The following CCM2L variants were observed in gnomAD, a reference collection of about 807,000 sequenced individuals.
CCM2L encodes the protein CCM2 like scaffold protein, also known as cerebral cavernous malformations 2 protein-like.
A neutral mutation model predicts 54.1 loss-of-function variants in CCM2L; 36 were observed. The observed-to-expected ratio is 0.67, with a 90% CI of 0.51 to 0.88. CCM2L has a LOEUF of 0.88. Ranked by LOEUF, CCM2L falls within the 40% of genes least tolerant of loss-of-function variation. The pLI, the probability that CCM2L is intolerant of heterozygous loss-of-function variation, is 0.00. For synonymous variants in CCM2L, 351 were observed against 359.3 expected, an observed-to-expected ratio of 0.98 and a Z score of 0.26; for missense variants, 700 against 812.1, an observed-to-expected ratio of 0.86 and a Z score of 1.68.
At position 32,029,116 on chromosome 20, in the gene CCM2L, A is replaced by C. The variant is rs771308887; in HGVS notation, c.1255A>C (p.Met419Leu). ...GGGCTTGGAGCAGTTACAGGATTAC[A>C]TGGTCACGGTGAGCTGGGGCCGGTG... ...SLGLEQLQDY[M>L]VTLRSKLGPL... The change falls in exon 8 of 10, where the codon ATG becomes CTG. Residue 419 changes from methionine (M) to leucine (L), a missense_variant. Met to Leu is a conservative substitution (Grantham distance 15). Transcript: ENST00000452892. 3 of 1,614,134 alleles carry C rather than the reference A, an allele frequency of 1.9e-6. No individual in the cohort carries two copies. The highest frequency in any genetic ancestry group is 1.7e-6 in the Non-Finnish European group (2 of 1,180,016).
intron 8 of CCM2L, 53 bp downstream of exon 8, chr20:32,029,177 G>A: frequency 1.2e-6 from 2 of 1,613,064 alleles, no homozygotes; most frequent in East Asian, 4.5e-5. Context: ...GGAGGCTGGA[G>A]TAAACATTTT....
At position 32,015,091 on chromosome 20, in the gene CCM2L, G is replaced by A. The variant is rs776023836; in HGVS notation, c.198+20G>A. ...GTCAAGGTGCGTGCAGGATGAGAAG[G>A]GGTGGGAAAACCTTGGGGTGAGGAG... On this transcript the variant is annotated intron_variant, in intron 2 of 9. Coordinates refer to ENST00000452892, the MANE Select transcript of CCM2L (RefSeq NM_001365692.1). The A allele has an allele frequency of 6.8e-7, 1 of 1,466,726 alleles. No homozygotes were observed. The highest frequency in any genetic ancestry group is 1.4e-5 in the South Asian group (1 of 69,688). The allele number at this position is 1,466,726 out of a possible 1,614,324, so 90.9% of individuals were successfully genotyped here.
chr20:32,016,704 A>C (rs1484690988), intron 2 of CCM2L, among the ~76,000 whole-genome samples: 3 of 152,334 alleles, frequency 2.0e-5, no homozygotes, highest in Non-Finnish European at 4.4e-5. Flanking sequence ...TTTAACTGGC[A>C]TCCTATATTT....
intron 7 of CCM2L, 67 bp from the exon 8 acceptor site, chr20:32,028,928 C>T: frequency 6.2e-7 from 1 of 1,601,820 alleles, no homozygotes; most frequent in South Asian, 1.1e-5. Context: ...GGCCTCCTAC[C>T]TTCAGCCTGC....
chr20:32,030,762 G>A (rs963425949), intron 9 of CCM2L, among the ~76,000 whole-genome samples: 5 of 151,412 alleles, frequency 3.3e-5, no homozygotes, highest in Non-Finnish European at 7.4e-5. Flanking sequence ...TTGAACCCGG[G>A]AGGCAGAGGC....
chr20:32,027,168 C>T (rs752932646), intron 7 of CCM2L, among the ~76,000 whole-genome samples: 4 of 152,220 alleles, frequency 2.6e-5, no homozygotes, highest in Non-Finnish European at 5.9e-5. Context: ...GTGCTAAAAC[C>T]AAGAAAGTCC....
At chr20:32,016,206 A>G (rs1251914492) in intron 2 of CCM2L, among the ~76,000 whole-genome samples, 1 of 152,014 alleles carries the variant, frequency 6.6e-6, no homozygotes, top group Non-Finnish European at 1.5e-5. Flanking sequence ...GCCTAAAAAG[A>G]TTGATATGGG....
intron 1 of CCM2L, among the ~76,000 whole-genome samples, chr20:32,011,072 C>T (rs1041743863): frequency 2.0e-5 from 3 of 152,094 alleles, no homozygotes; most frequent in Non-Finnish European, 4.4e-5. Context: ...TTCAGGGAGG[C>T]GCTCTGATTT....
At chr20:32,026,658 T>A (rs1465286153) in intron 7 of CCM2L, among the ~76,000 whole-genome samples, 2 of 152,074 alleles carry the variant, frequency 1.3e-5, no homozygotes, top group Non-Finnish European at 2.9e-5. Flanking sequence ...GGTGGATCGC[T>A]TGAGCCTGGG....
intron 1 of CCM2L, among the ~76,000 whole-genome samples, chr20:32,011,656 T>C (rs950787579): frequency 1.3e-5 from 2 of 151,876 alleles, no homozygotes; most frequent in African/African-American, 4.8e-5. Flanking sequence ...CCATACTCAG[T>C]GCTGGAGGAA....
intron 5 of CCM2L, among the ~76,000 whole-genome samples, chr20:32,021,690 T>C (rs1307704747): frequency 1.3e-5 from 2 of 152,132 alleles, no homozygotes; most frequent in Admixed American, 1.3e-4. Context: ...ATCTGGCTTC[T>C]TATCTGAGTC....
intron 7 of CCM2L, among the ~76,000 whole-genome samples, chr20:32,026,970 C>T (rs2064867969): frequency 6.6e-6 from 1 of 152,022 alleles, no homozygotes; most frequent in Non-Finnish European, 1.5e-5. Context: ...ATCACTTGAG[C>T]CCACAAGTTT....
At position 32,014,261 on chromosome 20, in the gene CCM2L, A is replaced by AT. The variant is rs5841095; in HGVS notation, c.31-627dup. Among the ~76,000 whole-genome samples the AT allele has an allele frequency of 5.8e-3, 765 of 132,206 alleles. 3 individuals carry two copies. The highest frequency in any genetic ancestry group is 6.7e-3 in the Non-Finnish European group (424 of 63,142). The allele number at this position is 132,206 out of a possible 152,430, so 86.7% of individuals were successfully genotyped here. A position where few individuals can be genotyped will look rare whatever the true frequency, so the allele number is the denominator to read the frequency against. ...TATGTGTGTACATATATATATATATATTTTTTTTTTTTTTTTGAGACAGAG... is the reference window on the plus strand; with the variant it reads ...TATGTGTGTACATATATATATATATATTTTTTTTTTTTTTTTTGAGACAGAG... On this transcript the variant is annotated intron_variant, in intron 1 of 9. Coordinates refer to ENST00000452892, the MANE Select transcript of CCM2L (RefSeq NM_001365692.1).
intron 2 of CCM2L, 34 bp downstream of exon 2, chr20:32,015,105 T>C (rs2064730719): frequency 6.9e-7 from 1 of 1,454,802 alleles, no homozygotes; most frequent in Admixed American, 2.7e-5. Context: ...GGGAAAACCT[T>C]GGGGTGAGGA....
rs2064891148 is a variant in CCM2L, at chr20:32,028,983, C to T, written c.1134-12C>T. 1.9e-6 allele frequency: 3 copies of T among 1,613,842 alleles called. No homozygotes were observed. The highest frequency in any genetic ancestry group is 2.5e-6 in the Non-Finnish European group (3 of 1,179,894). On this transcript the variant is annotated splice_polypyrimidine_tract_variant and intron_variant, in intron 7 of 9. Transcript: ENST00000452892. ...GGGAGGCGAGTGAAGGCCCTTCTTC[C>T]CGTGCCTGCAGTAATGGCTCCCAGG... is the stretch of plus-strand genomic sequence containing the variant.
At chr20:32,030,115 A>T (rs568703700) in intron 9 of CCM2L, among the ~76,000 whole-genome samples, 1 of 152,192 alleles carries the variant, frequency 6.6e-6, no homozygotes, top group East Asian at 1.9e-4. Flanking sequence ...TTCCCATCTT[A>T]CCCCACACGG....
In CCM2L at chr20:32,018,962, G is replaced by A. The variant is rs1459027824; in HGVS notation, c.486G>A (p.Val162=). The A allele has an allele frequency of 7.1e-7, 1 of 1,402,132 alleles. No individual in the cohort carries two copies. The highest frequency in any genetic ancestry group is 9.2e-7 in the Non-Finnish European group (1 of 1,082,446). 86.9% of individuals were successfully genotyped at this position (1,402,132 alleles called of 1,614,324 possible). The part of the protein sequence containing the change: ...VLKTGLGVDP[V]PAGVDASPGG... Reference sequence around the variant, plus strand: ...TCCTAGGTCTGGGTGTGGACCCGGTGCCGGCCGGCGTGGATGCCAGCCCAG... The same window carrying A: ...TCCTAGGTCTGGGTGTGGACCCGGTACCGGCCGGCGTGGATGCCAGCCCAG... Residue 162 remains valine (V), a synonymous_variant, in exon 5 of 10, where the codon GTG becomes GTA. Transcript: ENST00000452892.
chr20:32,020,010 C>T (rs140330694), intron 5 of CCM2L, among the ~76,000 whole-genome samples: 70 of 152,316 alleles, frequency 4.6e-4, no homozygotes, highest in African/African-American at 1.6e-3. Flanking sequence ...CTGCCTCCCC[C>T]ATCCTCTTCA....
chr20:32,022,551 T>C, intron 5 of CCM2L, 109 bp from the exon 6 acceptor site: 1 of 1,294,534 alleles, frequency 7.7e-7, no homozygotes. Context: ...TTTAAAGGGC[T>C]CTATAGGTGT....
Sources: gnomAD v4.1 joint callset for allele counts (sites outside exome capture counted in the v4.1 genomes callset) on GRCh38, gnomAD v4.1.1 for gene constraint, MANE v1.5 for transcripts, NCBI Gene and HGNC (gene_info 2026-07-23, HGNC 2026-07-21) for gene names.